The following LMO3 variants were observed in gnomAD, a reference collection of about 807,000 sequenced individuals.
LMO3 encodes LIM domain only 3.
LMO3 carries 2 observed loss-of-function variants against 15.8 expected under a neutral mutation model. That is an observed-to-expected ratio of 0.13 (90% CI 0.05 to 0.40). LMO3 has a LOEUF of 0.40. LMO3 is among the 10% of genes least tolerant of loss of function. LMO3 has a pLI of 0.99. For synonymous variants in LMO3, 62 were observed against 63.8 expected, an observed-to-expected ratio of 0.97 and a Z score of 0.13; for missense variants, 86 against 182.2, an observed-to-expected ratio of 0.47 and a Z score of 3.04.
intron 3 of LMO3, among the ~76,000 whole-genome samples, chr12:16,556,817 G>A (rs1942209300): frequency 1.3e-5 from 2 of 152,262 alleles, no homozygotes; most frequent in African/African-American, 4.8e-5. Flanking sequence ...TCCCGCATTA[G>A]TTTGTCTTGT....
rs757361640 is a variant in LMO3 at position 16,549,112 on chromosome 12, C to G, written c.*2110G>C. ...TATAATTTTACATCCATGTGAATTT[C>G]AAGCAATTGTTAATGGGGACCAGCA... On this transcript the variant is annotated 3_prime_UTR_variant, in exon 4 of 4. Coordinates refer to ENST00000537304, the MANE Select transcript of LMO3 (RefSeq NM_018640.5). 6.6e-6 allele frequency: 1 copy of G among 152,076 alleles called. No individual in the cohort carries two copies. The highest frequency in any genetic ancestry group is 2.4e-5 in the African/African-American group (1 of 41,430). 9.4% of individuals were successfully genotyped at this position (152,076 alleles called of 1,614,324 possible).
Position 16,599,229 on chromosome 12 carries a change from C to A in LMO3, c.206+1426G>T, listed in dbSNP as rs930582271. 3.9e-5 allele frequency: 6 copies of A among 152,348 alleles called. No homozygotes were observed. Among genetic ancestry groups the A allele is most frequent in the African/African-American group, 1.4e-4 (6 of 41,452 alleles). 9.4% of individuals were successfully genotyped at this position (152,348 alleles called of 1,614,324 possible). ...GTTGTGCCAACACAATGAGGGAAAT[C>A]CTGGCTGGAGAGAGTGACTTCTCAT... On this transcript the variant is annotated intron_variant, in intron 2 of 3. Coordinates refer to ENST00000537304, the MANE Select transcript of LMO3 (RefSeq NM_018640.5). The surrounding 1 kb of genome is among the most constrained non-coding windows in gnomAD (Gnocchi z 4.1).
At chr12:16,608,732 G>C (rs1565521454), upstream of LMO3, 1 of 151,786 alleles carries the variant, frequency 6.6e-6, no homozygotes, top group Non-Finnish European at 1.5e-5. The surrounding 1 kb of genome is among the most constrained non-coding windows in gnomAD (Gnocchi z 4.1). Flanking sequence ...GAGAGACAGA[G>C]GAGAGAGAGA....
chr12:16,576,916 T>A lies in LMO3; in HGVS notation c.207-16378A>T, dbSNP rs1943011458. On this transcript the variant is annotated intron_variant, in intron 2 of 3. Coordinates refer to ENST00000537304, the MANE Select transcript of LMO3 (RefSeq NM_018640.5). The surrounding 1 kb of genome is among the most constrained non-coding windows in gnomAD (Gnocchi z 4.1). ...TGATTATACCACCCTCCCCACGTTCTTTCCTAAACTATCTATTTTAGAAAT... is the reference window on the plus strand; with the variant it reads ...TGATTATACCACCCTCCCCACGTTCATTCCTAAACTATCTATTTTAGAAAT... Among the ~76,000 whole-genome samples the A allele has an allele frequency of 6.6e-6, 1 of 152,204 alleles. No homozygotes were observed. The highest frequency in any genetic ancestry group is 1.5e-5 in the Non-Finnish European group (1 of 68,036).
rs1384530723 is a variant in LMO3 at position 16,586,699 on chromosome 12, A to AC, written c.206+13955dup. On this transcript the variant is annotated intron_variant, in intron 2 of 3. Coordinates refer to ENST00000537304, the MANE Select transcript of LMO3 (RefSeq NM_018640.5). The surrounding 1 kb of genome is among the most constrained non-coding windows in gnomAD (Gnocchi z 4.3). Reference sequence around the variant, plus strand: ...GAGATTTCAAGATACACATCTTTTGACCCCCCATTGCAGTAGATGATGTTT... The same window carrying AC: ...GAGATTTCAAGATACACATCTTTTGACCCCCCCATTGCAGTAGATGATGTTT... 8.6e-5 allele frequency among the ~76,000 whole-genome samples: 13 copies of AC among 152,016 alleles called. No individual in the cohort carries two copies. The highest frequency in any genetic ancestry group is 6.2e-4 in the South Asian group (3 of 4,816).
chr12:16,601,179 T>C (rs1364775341), intron 1 of LMO3, among the ~76,000 whole-genome samples: 1 of 152,182 alleles, frequency 6.6e-6, no homozygotes, highest in Admixed American at 6.5e-5. Flanking sequence ...ATTCTCCCCA[T>C]AGAGCAGTTC....
At position 16,549,620 on chromosome 12, in the gene LMO3, T is replaced by C. The variant is rs1379196366; in HGVS notation, c.*1602A>G. On this transcript the variant is annotated 3_prime_UTR_variant, in exon 4 of 4. Coordinates refer to ENST00000537304, the MANE Select transcript of LMO3 (RefSeq NM_018640.5). Reference sequence around the variant, plus strand: ...TAACACTGGAAAATATTGTTTCCTATACAAGTGATCAAGAAAAAAACAAAG... The same window carrying C: ...TAACACTGGAAAATATTGTTTCCTACACAAGTGATCAAGAAAAAAACAAAG... 1 of 152,414 alleles carries C rather than the reference T, an allele frequency of 6.6e-6. No individual in the cohort carries two copies. The highest frequency in any genetic ancestry group is 1.5e-5 in the Non-Finnish European group (1 of 67,974). 9.4% of individuals were successfully genotyped at this position (152,414 alleles called of 1,614,324 possible).
At position 16,603,355 on chromosome 12, in the gene LMO3, G is replaced by C. The variant is rs1210259434; in HGVS notation, c.-8-2487C>G. Among the ~76,000 whole-genome samples the C allele has an allele frequency of 2.6e-5, 4 of 152,160 alleles. No homozygotes were observed. Reference sequence around the variant, plus strand: ...ATGCAAGTTAACAATTGTAGCAAAAGAACTATTTTGTAGTCACCATGTTAC... The same window carrying C: ...ATGCAAGTTAACAATTGTAGCAAAACAACTATTTTGTAGTCACCATGTTAC... On this transcript the variant is annotated intron_variant, in intron 1 of 3. Transcript: ENST00000537304. This position sits in a 1 kb window ranked among gnomAD's most constrained non-coding sequence, Gnocchi z 4.9.
rs908248025 is a variant in LMO3 at position 16,597,765 on chromosome 12, A to G, written c.206+2890T>C. On this transcript the variant is annotated intron_variant, in intron 2 of 3. Coordinates refer to ENST00000537304, the MANE Select transcript of LMO3 (RefSeq NM_018640.5). This position sits in a 1 kb window ranked among gnomAD's most constrained non-coding sequence, Gnocchi z 5.0. ...ACATAATATCAAAGGGCCAAAAATA[A>G]AACAACTTTTAAAATAGAACTTAAG... 2.0e-5 allele frequency: 3 copies of G among 151,978 alleles called. No individual in the cohort carries two copies. Among genetic ancestry groups the G allele is most frequent in the Admixed American group, 6.6e-5 (1 of 15,238 alleles). 9.4% of individuals were successfully genotyped at this position (151,978 alleles called of 1,614,324 possible).
In LMO3 at chr12:16,576,709, T is replaced by C. The variant is rs1943006569; in HGVS notation, c.207-16171A>G. Among the ~76,000 whole-genome samples the C allele has an allele frequency of 6.6e-6, 1 of 152,210 alleles. No individual in the cohort carries two copies. The highest frequency in any genetic ancestry group is 6.5e-5 in the Admixed American group (1 of 15,284). On this transcript the variant is annotated intron_variant, in intron 2 of 3. Coordinates refer to ENST00000537304, the MANE Select transcript of LMO3 (RefSeq NM_018640.5). This position sits in a 1 kb window ranked among gnomAD's most constrained non-coding sequence, Gnocchi z 4.1. ...ACTGCTGAATTAGAATGTAGAGATA[T>C]ATAAATGGAAATTAACATTCTTGCA... is the stretch of plus-strand genomic sequence containing the variant.
intron 2 of LMO3, among the ~76,000 whole-genome samples, chr12:16,594,623 A>G (rs1040027977): frequency 6.6e-6 from 1 of 151,654 alleles, no homozygotes; most frequent in Non-Finnish European, 1.5e-5. Flanking sequence ...CAAACCAAAT[A>G]CCAAAATAAG....
intron 3 of LMO3, 133 bp from the exon 4 acceptor site, chr12:16,551,460 C>T (rs112654044): frequency 3.3e-6 from 2 of 610,466 alleles, no homozygotes; most frequent in South Asian, 4.0e-5. Context: ...AGACAGTTGT[C>T]TTCATTATCA....
At chr12:16,590,570 T>G (rs1447733684) in intron 2 of LMO3, among the ~76,000 whole-genome samples, 3 of 151,564 alleles carry the variant, frequency 2.0e-5, no homozygotes, top group Non-Finnish European at 4.4e-5. Context: ...CTTTGAAAAA[T>G]CCACATCTTT....
At chr12:16,610,097 A>C (rs1944094732), upstream of LMO3, 1 of 151,948 alleles carries the variant, frequency 6.6e-6, no homozygotes. Flanking sequence ...AAATGAAAGA[A>C]ACCTCTGCTT....
intron 2 of LMO3, among the ~76,000 whole-genome samples, chr12:16,575,411 C>T (rs1942963719): frequency 6.6e-6 from 1 of 152,182 alleles, no homozygotes; most frequent in Non-Finnish European, 1.5e-5. Context: ...TTTCCCTTTG[C>T]TTACATTTTA....
In LMO3 at chr12:16,559,488, C is replaced by T. The variant is rs1942309429; in HGVS notation, c.332+925G>A. On this transcript the variant is annotated intron_variant, in intron 3 of 3. Coordinates refer to ENST00000537304, the MANE Select transcript of LMO3 (RefSeq NM_018640.5). This position sits in a 1 kb window ranked among gnomAD's most constrained non-coding sequence, Gnocchi z 4.1. ...TTAAGATCGCACAGCTTATTAGTGG[C>T]AGAGCCCATATTAGAATTTAGGTTT... is the stretch of plus-strand genomic sequence containing the variant. Among the ~76,000 whole-genome samples the T allele has an allele frequency of 6.6e-6, 1 of 152,176 alleles. No homozygotes were observed. Among genetic ancestry groups the T allele is most frequent in the African/African-American group, 2.4e-5 (1 of 41,446 alleles).
At position 16,582,552 on chromosome 12, in the gene LMO3, G is replaced by C. The variant is rs1030247517; in HGVS notation, c.206+18103C>G. Among the ~76,000 whole-genome samples, 19 of 152,180 alleles carry C rather than the reference G, an allele frequency of 1.2e-4. No individual in the cohort carries two copies. Among genetic ancestry groups the C allele is most frequent in the Non-Finnish European group, 2.4e-4 (16 of 68,042 alleles). On this transcript the variant is annotated intron_variant, in intron 2 of 3. Coordinates refer to ENST00000537304, the MANE Select transcript of LMO3 (RefSeq NM_018640.5). The surrounding 1 kb of genome is among the most constrained non-coding windows in gnomAD (Gnocchi z 4.1). ...ACTTAATTGTGGATACTATGGAAGTGGCTAGATATACATTGCTTAAGCTTG... is the reference window on the plus strand; with the variant it reads ...ACTTAATTGTGGATACTATGGAAGTCGCTAGATATACATTGCTTAAGCTTG...
At chr12:16,565,983 C>CATATATATATATATATAT (rs61358392) in intron 2 of LMO3, among the ~76,000 whole-genome samples, 2 of 43,852 alleles carry the variant, frequency 4.6e-5, no homozygotes, top group Non-Finnish European at 8.7e-5. Context: ...GAAAATGTGC[C>CATATATATATATATATAT]ATATATATAT....
chr12:16,608,996 C>T (rs537518034), upstream of LMO3: 5 of 152,182 alleles, frequency 3.3e-5, no homozygotes, highest in South Asian at 8.3e-4. This position sits in a 1 kb window ranked among gnomAD's most constrained non-coding sequence, Gnocchi z 4.1. Flanking sequence ...TCCCCAATCA[C>T]GCAATTTACA....
Sources: allele counts gnomAD v4.1 joint callset (sites outside exome capture counted in the v4.1 genomes callset), GRCh38; gene constraint gnomAD v4.1.1; non-coding constraint Gnocchi (gnomAD v3.1); transcripts MANE v1.5; gene names NCBI Gene and HGNC (gene_info 2026-07-23, HGNC 2026-07-21).